AKAP13: variants seen among roughly 807,000 people sequenced by gnomAD.
AKAP13 encodes A-kinase anchor protein 13.
AKAP13 carries 80 observed loss-of-function variants against 264.5 expected under a neutral mutation model. The observed-to-expected ratio is 0.30, with a 90% CI of 0.25 to 0.36. AKAP13 has a LOEUF of 0.36. Ranked by LOEUF, AKAP13 falls within the 10% of genes least tolerant of loss-of-function variation. The pLI, the probability that AKAP13 is intolerant of heterozygous loss-of-function variation, is 1.00. For synonymous variants in AKAP13, 1,380 were observed against 1,250.2 expected, an observed-to-expected ratio of 1.10 and a Z score of -2.19; for missense variants, 3,712 against 3,435.2, an observed-to-expected ratio of 1.08 and a Z score of -2.01.
chr15:85,453,539 A>G (rs934904239), intron 1 of AKAP13, among the ~76,000 whole-genome samples: 1 of 152,174 alleles, frequency 6.6e-6, no homozygotes, highest in Non-Finnish European at 1.5e-5. Context: ...TGCTGGTCCA[A>G]AGGCACCTAT....
rs536154630 is a variant in AKAP13, at chr15:85,432,022, G to C, written c.-12+51224G>C. ...CCTAATTTCATTGGGAGGCTGTTTA[G>C]ATGAGAGGCACTTTCCAACACTGGG... On this transcript the variant is annotated intron_variant, in intron 1 of 36. Transcript: ENST00000394518. Among the ~76,000 whole-genome samples the C allele has an allele frequency of 3.9e-5, 6 of 152,290 alleles. No homozygotes were observed. In the East Asian group the frequency reaches 1.2e-3, roughly 29 times the overall value.
chr15:85,699,493 C>CAA (rs1363893090), intron 17 of AKAP13, among the ~76,000 whole-genome samples: 2 of 151,806 alleles, frequency 1.3e-5, no homozygotes, highest in African/African-American at 2.4e-5. Flanking sequence ...GGCTATACAC[C>CAA]AAACTGTTAA....
At chr15:85,508,783 C>T (rs2076322296) in intron 2 of AKAP13, among the ~76,000 whole-genome samples, 2 of 152,130 alleles carry the variant, frequency 1.3e-5, no homozygotes, top group South Asian at 2.1e-4. Context: ...CCAGACTGAC[C>T]TTTGCTATTT....
chr15:85,453,993 G>A (rs1041843364), intron 1 of AKAP13, among the ~76,000 whole-genome samples: 62 of 152,238 alleles, frequency 4.1e-4, no homozygotes, highest in Admixed American at 1.2e-3. Context: ...GGCTGGAATG[G>A]CAAAGATGGT....
chr15:85,546,023 G>T (rs548625808), intron 5 of AKAP13, among the ~76,000 whole-genome samples: 1 of 152,100 alleles, frequency 6.6e-6, no homozygotes, highest in East Asian at 1.9e-4. Flanking sequence ...TCTCCTTTCT[G>T]TCTCTAAGAA....
At chr15:85,660,112 G>A (rs960684342) in intron 12 of AKAP13, among the ~76,000 whole-genome samples, 5 of 152,058 alleles carry the variant, frequency 3.3e-5, no homozygotes, top group Non-Finnish European at 5.9e-5. Context: ...CAGCACTTTG[G>A]GAGGCTGAGC....
Position 85,485,691 on chromosome 15 carries a change from T to C in AKAP13, c.-11-19T>C. On this transcript the variant is annotated intron_variant, in intron 1 of 36. Transcript: ENST00000394518. Reference sequence around the variant, plus strand: ...GACAACTTTTAATTTTATTCTCATTTATTCCATTTCTGTTTCAGTGTCCTG... The same window carrying C: ...GACAACTTTTAATTTTATTCTCATTCATTCCATTTCTGTTTCAGTGTCCTG... The C allele has an allele frequency of 6.2e-7, 1 of 1,611,112 alleles. No individual in the cohort carries two copies. Among genetic ancestry groups the C allele is most frequent in the East Asian group, 2.2e-5 (1 of 44,854 alleles).
chr15:85,734,107 A>G (rs575934573), intron 30 of AKAP13, among the ~76,000 whole-genome samples: 1 of 152,104 alleles, frequency 6.6e-6, no homozygotes, highest in East Asian at 1.9e-4. Flanking sequence ...TGCTGGGATT[A>G]CAGGCATGAG....
chr15:85,717,785 A>C (rs1403175788), intron 21 of AKAP13, among the ~76,000 whole-genome samples: 1 of 152,112 alleles, frequency 6.6e-6, no homozygotes, highest in Non-Finnish European at 1.5e-5. Flanking sequence ...ATCATGTTTG[A>C]TTTATGTCAT....
In AKAP13 at chr15:85,718,830, G is replaced by C. The variant is rs563563979; in HGVS notation, c.6002-246G>C. The stretch of plus-strand genomic sequence containing the variant: ...CAGAAAGATCGCTTGAGCCCAGGAG[G>C]TTGAGGCTGCAATGAGCCATGACTT... On this transcript the variant is annotated intron_variant, in intron 22 of 36. Coordinates refer to ENST00000394518, the MANE Select transcript of AKAP13 (RefSeq NM_007200.5). The surrounding 1 kb of genome is among the most constrained non-coding windows in gnomAD (Gnocchi z 4.9). The C allele has an allele frequency of 2.2e-6, 1 of 461,116 alleles. No homozygotes were observed. The highest frequency in any genetic ancestry group is 2.0e-5 in the African/African-American group (1 of 50,576). 28.6% of individuals were successfully genotyped at this position (461,116 alleles called of 1,614,324 possible). A position where few individuals can be genotyped will look rare whatever the true frequency, so the allele number is the denominator to read the frequency against.
chr15:85,705,880 T>C (rs2151682889), intron 17 of AKAP13, among the ~76,000 whole-genome samples: 1 of 148,024 alleles, frequency 6.8e-6, no homozygotes, highest in East Asian at 2.1e-4. Context: ...TTTATTTTCA[T>C]ACATAAACAA....
chr15:85,541,308 T>TG (rs2077574176), intron 4 of AKAP13, among the ~76,000 whole-genome samples: 1 of 152,170 alleles, frequency 6.6e-6, no homozygotes, highest in African/African-American at 2.4e-5. Context: ...GGTGGATCGA[T>TG]GGGGAAATAG....
intron 8 of AKAP13, among the ~76,000 whole-genome samples, chr15:85,628,692 T>C (rs1251847812): frequency 3.3e-5 from 5 of 152,070 alleles, no homozygotes; most frequent in Non-Finnish European, 7.4e-5. Context: ...AGTTACAGCA[T>C]TTTGATATTT....
intron 14 of AKAP13, among the ~76,000 whole-genome samples, chr15:85,673,130 A>G (rs1400294625): frequency 1.3e-5 from 2 of 152,240 alleles, no homozygotes; most frequent in Non-Finnish European, 2.9e-5. Flanking sequence ...TGTTGTCCAG[A>G]ATGTCTTTTG....
chr15:85,543,656 A>G, intron 4 of AKAP13, 116 bp from the exon 5 acceptor site: 1 of 1,209,614 alleles, frequency 8.3e-7, no homozygotes, highest in Non-Finnish European at 1.1e-6. Context: ...TTGTAGCTTA[A>G]CTTTACAATC....
At chr15:85,721,790 G>T (rs1192445214) in intron 23 of AKAP13, among the ~76,000 whole-genome samples, 2 of 152,174 alleles carry the variant, frequency 1.3e-5, no homozygotes, top group Non-Finnish European at 2.9e-5. Context: ...TAATCCATAT[G>T]CCATATAGTC....
chr15:85,660,729 C>G (rs1342913918), intron 12 of AKAP13, among the ~76,000 whole-genome samples: 1 of 152,232 alleles, frequency 6.6e-6, no homozygotes, highest in Non-Finnish European at 1.5e-5. Context: ...TGTCATCCCA[C>G]TTACCAGACC....
In AKAP13 at chr15:85,579,097, A is replaced by C. The variant is rs1318018211; in HGVS notation, c.1029A>C (p.Pro343=). ...AGACTGAGAGCACTCAGTGCTGCCC[A>C]GGGAGCCCTGTTGCACAGACTGAAA... ...SEETESTQCC[P]GSPVAQTESP... Residue 343 remains proline, a synonymous_variant, in exon 7 of 37, where the codon CCA becomes CCC. Coordinates refer to ENST00000394518, the MANE Select transcript of AKAP13 (RefSeq NM_007200.5). 1 of 1,614,086 alleles carries C rather than the reference A, an allele frequency of 6.2e-7. No individual in the cohort carries two copies. The highest frequency in any genetic ancestry group is 8.5e-7 in the Non-Finnish European group (1 of 1,180,052).
In AKAP13 at chr15:85,422,892, T is replaced by C. The variant is rs188934014; in HGVS notation, c.-12+42094T>C. Among the ~76,000 whole-genome samples, 3 of 152,334 alleles carry C rather than the reference T, an allele frequency of 2.0e-5. No homozygotes were observed. The East Asian group carries it at 5.8e-4, about 29-fold the overall frequency. ...AATCTGCAGGCATGCTTCAGAGATA[T>C]TGTGGGTTTGGTTTCAGACTACTGG... On this transcript the variant is annotated intron_variant, in intron 1 of 36. Coordinates refer to ENST00000394518, the MANE Select transcript of AKAP13 (RefSeq NM_007200.5).
Sources: gnomAD v4.1 joint callset for allele counts (sites outside exome capture counted in the v4.1 genomes callset) on GRCh38, gnomAD v4.1.1 for gene constraint, Gnocchi (gnomAD v3.1) non-coding constraint, MANE v1.5 for transcripts, NCBI Gene and HGNC (gene_info 2026-07-23, HGNC 2026-07-21) for gene names.